SNRPG: variants seen among roughly 807,000 people sequenced by gnomAD.
The protein encoded by SNRPG is small nuclear ribonucleoprotein G.
In SNRPG, 3 loss-of-function variants were observed where a neutral mutation model predicts 13.9. The observed-to-expected ratio is 0.22, with a 90% CI of 0.10 to 0.56. The LOEUF (loss-of-function observed/expected upper bound fraction) is 0.56, where lower values mean the gene tolerates loss of function less well. SNRPG is among the 20% of genes least tolerant of loss of function. SNRPG has a pLI of 0.93. For synonymous variants in SNRPG, 29 were observed against 29.3 expected (o/e 0.99, Z 0.03); for missense variants, 34 against 96.1 (o/e 0.35, Z 2.70).
intron 2 of SNRPG, among the ~76,000 whole-genome samples, chr2:70,289,046 G>C (rs1357678945): frequency 6.6e-6 from 1 of 152,092 alleles, no homozygotes; most frequent in Non-Finnish European, 1.5e-5. Flanking sequence ...CGCCTCCTGG[G>C]TTCATGCCAT....
At chr2:70,286,159 C>A (rs1038889413) in intron 3 of SNRPG, among the ~76,000 whole-genome samples, 2 of 152,160 alleles carry the variant, frequency 1.3e-5, no homozygotes, top group Non-Finnish European at 2.9e-5. Flanking sequence ...AACTCCTGGG[C>A]TCAAGTGATC....
At chr2:70,282,200 G>A (rs1366018448) in intron 3 of SNRPG, among the ~76,000 whole-genome samples, 2 of 152,166 alleles carry the variant, frequency 1.3e-5, no homozygotes, top group Non-Finnish European at 2.9e-5. Context: ...ACAGGCGTGA[G>A]CTACTACGCC....
intron 1 of SNRPG, among the ~76,000 whole-genome samples, chr2:70,291,014 A>AAC (rs56202448): frequency 0.086 from 11,417 of 133,324 alleles, 472 homozygotes; most frequent in African/African-American, 0.1. Context: ...TCCATCTCAA[A>AAC]ACACACACAC....
intron 1 of SNRPG, among the ~76,000 whole-genome samples, chr2:70,292,505 C>T (rs1697125832): frequency 6.6e-6 from 1 of 152,114 alleles, no homozygotes; most frequent in Non-Finnish European, 1.5e-5. Context: ...ACACCACCTG[C>T]CTGGCTAATT....
intron 3 of SNRPG, among the ~76,000 whole-genome samples, chr2:70,283,693 G>C (rs1696871135): frequency 6.6e-6 from 1 of 152,150 alleles, no homozygotes; most frequent in Admixed American, 6.5e-5. Context: ...GAACACAATT[G>C]GTAGGATAAG....
At chr2:70,284,504 C>T (rs1696892621) in intron 3 of SNRPG, among the ~76,000 whole-genome samples, 1 of 152,138 alleles carries the variant, frequency 6.6e-6, no homozygotes, top group African/African-American at 2.4e-5. Flanking sequence ...CCACTTCAGC[C>T]TCTCAAGTAG....
At chr2:70,284,706 C>A (rs1696897134) in intron 3 of SNRPG, among the ~76,000 whole-genome samples, 1 of 151,998 alleles carries the variant, frequency 6.6e-6, no homozygotes, top group Non-Finnish European at 1.5e-5. Context: ...TTTAAATTCT[C>A]AATTTTTTTT....
In SNRPG at chr2:70,293,715, T is replaced by G; in HGVS notation, c.-66A>C. On this transcript the variant is annotated 5_prime_UTR_variant, in exon 1 of 4. Transcript: ENST00000272348. ...CGCACGGCTTTCCTCACGCTCCCGC[T>G]GTAGGCCCGGCGTCTTGCGTCTGGC... 1 of 1,491,050 alleles carries G rather than the reference T, an allele frequency of 6.7e-7. No homozygotes were observed. The highest frequency in any genetic ancestry group is 1.1e-5 in the South Asian group (1 of 88,690). 92.4% of individuals were successfully genotyped at this position (1,491,050 alleles called of 1,614,324 possible).
chr2:70,287,011 T>C (rs1197822147), intron 3 of SNRPG, among the ~76,000 whole-genome samples: 1 of 152,192 alleles, frequency 6.6e-6, no homozygotes, highest in Non-Finnish European at 1.5e-5. Flanking sequence ...GACAAGTCAA[T>C]TTACATGAAA....
chr2:70,287,459 T>C (rs1696971958), intron 3 of SNRPG: 2 of 645,800 alleles, frequency 3.1e-6, no homozygotes, highest in Non-Finnish European at 5.5e-6. Context: ...AATGTAGGAA[T>C]GTTTAATCCT....
At chr2:70,283,504 T>C (rs1458073249) in intron 3 of SNRPG, among the ~76,000 whole-genome samples, 1 of 152,234 alleles carries the variant, frequency 6.6e-6, no homozygotes, top group Non-Finnish European at 1.5e-5. Context: ...GCTTGTTTTA[T>C]TTACACATAC....
At chr2:70,293,436 C>G in intron 1 of SNRPG, 182 bp downstream of exon 1, 2 of 684,056 alleles carry the variant, frequency 2.9e-6, no homozygotes, top group Non-Finnish European at 5.4e-6. Context: ...CACACCGACG[C>G]GCGAGCTCTG....
chr2:70,287,847 T>C (rs564427713), intron 3 of SNRPG: 7 of 553,396 alleles, frequency 1.3e-5, no homozygotes, highest in Middle Eastern at 4.9e-4. Context: ...CCAACAGCTA[T>C]TTCAAGCGCT....
chr2:70,283,113 A>AAAAC (rs1559041549), intron 3 of SNRPG, among the ~76,000 whole-genome samples: 14 of 147,816 alleles, frequency 9.5e-5, no homozygotes, highest in African/African-American at 3.0e-4. Flanking sequence ...AAAAAAAAAA[A>AAAAC]AAAAAAAAAA....
intron 3 of SNRPG, among the ~76,000 whole-genome samples, chr2:70,285,008 T>C (rs1393888654): frequency 6.6e-6 from 1 of 152,214 alleles, no homozygotes; most frequent in East Asian, 1.9e-4. Context: ...ATGCTGCCCA[T>C]TAATCAGTTA....
At chr2:70,287,991 G>A in intron 3 of SNRPG, 77 bp downstream of exon 3, 2 of 1,385,806 alleles carry the variant, frequency 1.4e-6, no homozygotes, top group Non-Finnish European at 2.0e-6. Flanking sequence ...ATTTCTGGGG[G>A]TTACTAACCA....
At chr2:70,286,050 C>G (rs1381948540) in intron 3 of SNRPG, among the ~76,000 whole-genome samples, 2 of 152,148 alleles carry the variant, frequency 1.3e-5, no homozygotes, top group Non-Finnish European at 1.5e-5. Context: ...CCTCAGCCTC[C>G]TGAGTAGCTG....
At position 70,293,250 on chromosome 2, in the gene SNRPG, A is replaced by G. The variant is rs1392747542; in HGVS notation, c.32+368T>C. 2.9e-5 allele frequency: 20 copies of G among 701,714 alleles called. No homozygotes were observed. In the Middle Eastern group the frequency reaches 6.8e-4, roughly 24 times the overall value. The allele number at this position is 701,714 out of a possible 1,614,324, so 43.5% of individuals were successfully genotyped here. On this transcript the variant is annotated intron_variant, in intron 1 of 3. Coordinates refer to ENST00000272348, the MANE Select transcript of SNRPG (RefSeq NM_003096.4). ...CTTCCAGCCCCTCCTTAGTTCCTTC[A>G]GAGAATTTCCCCCTCTAGCCGTCTA...
chr2:70,283,403 G>A (rs1414424843), intron 3 of SNRPG, among the ~76,000 whole-genome samples: 1 of 152,118 alleles, frequency 6.6e-6, no homozygotes, highest in Non-Finnish European at 1.5e-5. Context: ...TATTAGAAAT[G>A]GAGGCATTCC....
Sources: gnomAD v4.1 joint callset for allele counts (sites outside exome capture counted in the v4.1 genomes callset) on GRCh38, gnomAD v4.1.1 for gene constraint, MANE v1.5 for transcripts, NCBI Gene and HGNC (gene_info 2026-07-23, HGNC 2026-07-21) for gene names.